Variants in RSPH14 observed in about 807,000 individuals in gnomAD.
The protein encoded by RSPH14 is rhabdoid tumor deletion region gene 1.
In RSPH14, 20 loss-of-function variants were observed where a neutral mutation model predicts 26.7. The observed-to-expected ratio is 0.75, with a 90% CI of 0.53 to 1.09. The LOEUF (loss-of-function observed/expected upper bound fraction) is 1.09. Ranked by LOEUF, RSPH14 falls within the 50% of genes least tolerant of loss-of-function variation. The pLI is 0.00. For synonymous variants in RSPH14, 177 were observed against 189.3 expected (o/e 0.93, Z 0.53); for missense variants, 449 against 457.2 (o/e 0.98, Z 0.16).
chr22:23,154,121 C>T, the RSPH14 span, among the ~76,000 whole-genome samples: 1 of 152,122 alleles, frequency 6.6e-6, no homozygotes, highest in Non-Finnish European at 1.5e-5. Flanking sequence ...TCTCCCACCC[C>T]AGCTGGGTAG....
At chr22:23,113,820 C>T (rs1436114169) in intron 4 of RSPH14, among the ~76,000 whole-genome samples, 1 of 152,240 alleles carries the variant, frequency 6.6e-6, no homozygotes. Context: ...CTCCTGCCCA[C>T]CAGGCCTGTC....
chr22:23,102,040 A>G (rs2069316422), intron 4 of RSPH14, among the ~76,000 whole-genome samples: 2 of 152,162 alleles, frequency 1.3e-5, no homozygotes, highest in South Asian at 2.1e-4. Flanking sequence ...GCACACACCT[A>G]TAGCTGGGCC....
the RSPH14 span, chr22:23,152,641 T>G: frequency 9.6e-7 from 1 of 1,046,270 alleles, no homozygotes; most frequent in Admixed American, 1.9e-5. Flanking sequence ...TTCCAGGAAC[T>G]GCTGTGCCTC....
At chr22:23,068,361 G>A (rs1292652817) in intron 4 of RSPH14, among the ~76,000 whole-genome samples, 1 of 152,252 alleles carries the variant, frequency 6.6e-6, no homozygotes, top group African/African-American at 2.4e-5. Context: ...ATGACTGTAA[G>A]GCCCAATCGT....
chr22:23,091,133 G>A (rs2068959798), intron 4 of RSPH14, among the ~76,000 whole-genome samples: 1 of 152,190 alleles, frequency 6.6e-6, no homozygotes, highest in Non-Finnish European at 1.5e-5. Context: ...CATGCAGACA[G>A]AGGCATGGAC....
At chr22:23,086,555 G>A (rs1316510619) in intron 4 of RSPH14, among the ~76,000 whole-genome samples, 1 of 152,200 alleles carries the variant, frequency 6.6e-6, no homozygotes, top group African/African-American at 2.4e-5. Context: ...GTTGAGGAAA[G>A]CACAGCAGAG....
chr22:23,159,345 C>A, the RSPH14 span: 1 of 1,259,486 alleles, frequency 7.9e-7, no homozygotes, highest in Non-Finnish European at 1.1e-6. Context: ...CCCTCTGTAG[C>A]CAGTCGTCTG....
intron 4 of RSPH14, among the ~76,000 whole-genome samples, chr22:23,118,841 G>A (rs1467612860): frequency 6.6e-6 from 1 of 152,218 alleles, no homozygotes; most frequent in African/African-American, 2.4e-5. Flanking sequence ...ACCCTGCCAG[G>A]CCAGGGAGGG....
intron 4 of RSPH14, chr22:23,096,072 G>T: frequency 1.9e-6 from 3 of 1,608,544 alleles, no homozygotes; most frequent in Non-Finnish European, 2.5e-6. Context: ...GAGCTGCTGG[G>T]TGTCATGCGA....
At chr22:23,158,812 C>A in the RSPH14 span, 2 of 1,205,218 alleles carry the variant, frequency 1.7e-6, no homozygotes, top group Non-Finnish European at 2.4e-6. Context: ...GCACTTCAGC[C>A]CTGGGGAGGT....
rs147674234 is a variant in RSPH14, at chr22:23,084,298, C to G, written c.422-20165G>C. Among the ~76,000 whole-genome samples the G allele has an allele frequency of 1.1e-4, 16 of 152,312 alleles. No homozygotes were observed. The East Asian group carries it at 2.7e-3, about 26-fold the overall frequency. Reference sequence around the variant, plus strand: ...TTGAGTACTCATACAACCATTCATTCTGATTCTCCCTGTCAGTACGGTATT... The same window carrying G: ...TTGAGTACTCATACAACCATTCATTGTGATTCTCCCTGTCAGTACGGTATT... On this transcript the variant is annotated intron_variant, in intron 4 of 6. Coordinates refer to ENST00000216036, the MANE Select transcript of RSPH14 (RefSeq NM_014433.3).
chr22:23,086,635 G>C (rs558009412), intron 4 of RSPH14, among the ~76,000 whole-genome samples: 1 of 152,172 alleles, frequency 6.6e-6, no homozygotes, highest in Non-Finnish European at 1.5e-5. Context: ...GACCCTCCCC[G>C]GGGCCCAGCC....
chr22:23,089,029 C>T (rs2068890335), intron 4 of RSPH14, among the ~76,000 whole-genome samples: 3 of 152,304 alleles, frequency 2.0e-5, no homozygotes, highest in South Asian at 4.1e-4. Flanking sequence ...ACCATCACTT[C>T]GTCTTGGCTC....
chr22:23,159,198 T>C, the RSPH14 span: 21 of 1,610,522 alleles, frequency 1.3e-5, no homozygotes, highest in African/African-American at 2.3e-4. Flanking sequence ...AAGCAGACGC[T>C]GTGCACCTGG....
chr22:23,171,807 A>C, the RSPH14 span, among the ~76,000 whole-genome samples: 1 of 136,532 alleles, frequency 7.3e-6, no homozygotes, highest in African/African-American at 2.8e-5. Context: ...TTGCCATTGC[A>C]CTCCAGCCTG....
the RSPH14 span, among the ~76,000 whole-genome samples, chr22:23,155,741 C>T: frequency 2.6e-5 from 4 of 152,360 alleles, no homozygotes; most frequent in East Asian, 7.7e-4. Flanking sequence ...TAATGCCACA[C>T]ACCCCCATCC....
At chr22:23,159,066 G>C in the RSPH14 span, 1 of 1,588,258 alleles carries the variant, frequency 6.3e-7, no homozygotes, top group African/African-American at 1.3e-5. Flanking sequence ...TGGGGAGGGA[G>C]GGAGGCAGCA....
intron 4 of RSPH14, among the ~76,000 whole-genome samples, chr22:23,130,454 C>T (rs1224995147): frequency 4.8e-5 from 2 of 41,830 alleles, no homozygotes; most frequent in East Asian, 1.5e-3. Flanking sequence ...GACTCTGTCT[C>T]AAAAAAAAAA....
At chr22:23,167,231 A>G in the RSPH14 span, among the ~76,000 whole-genome samples, 2 of 152,062 alleles carry the variant, frequency 1.3e-5, no homozygotes, top group Non-Finnish European at 2.9e-5. Flanking sequence ...CCAGGGTCGA[A>G]CCCCAAAAGG....
Sources: gnomAD v4.1 joint callset for allele counts (sites outside exome capture counted in the v4.1 genomes callset) on GRCh38, gnomAD v4.1.1 for gene constraint, MANE v1.5 for transcripts, NCBI Gene and HGNC (gene_info 2026-07-23, HGNC 2026-07-21) for gene names.